The following OTC variants were observed in gnomAD, a reference collection of about 807,000 sequenced individuals.
OTC encodes ornithine transcarbamylase, mitochondrial.
Under a neutral mutation model 30.3 loss-of-function variants are expected in OTC, and 3 were observed. The observed-to-expected ratio is 0.10, with a 90% confidence interval of 0.05 to 0.26. OTC has a LOEUF of 0.26. Among genes scored for constraint, OTC ranks in the 10% least tolerant of loss-of-function variants. The probability of loss-of-function intolerance (pLI) is 1.00; values close to 1 mark genes in which losing one functional copy is unlikely to be tolerated. For synonymous variants in OTC, 111 were observed against 99.7 expected (o/e 1.11, Z -0.67); for missense variants, 194 against 260.3 (o/e 0.75, Z 1.75).
intron 4 of OTC, among the ~76,000 whole-genome samples, chrX:38,383,091 G>GTT (rs369396425): frequency 9.6e-6 from 1 of 104,003 alleles, no homozygotes; most frequent in Non-Finnish European, 2.0e-5. Flanking sequence ...TCTGCTTACA[G>GTT]TTTTTTTTTT....
upstream of OTC, among the ~76,000 whole-genome samples, chrX:38,349,562 C>T (rs928664005): frequency 8.9e-6 from 1 of 112,607 alleles, no homozygotes; most frequent in African/African-American, 3.2e-5. Flanking sequence ...TACCTTCTGC[C>T]ATGGAATGGC....
intron 4 of OTC, among the ~76,000 whole-genome samples, chrX:38,394,512 C>T: frequency 9.0e-6 from 1 of 111,457 alleles, no homozygotes; most frequent in African/African-American, 3.3e-5. Flanking sequence ...TCCACCTAAT[C>T]ATCAGTCAAG....
chrX:38,421,738 A>G (rs2068596609), downstream of OTC, among the ~76,000 whole-genome samples: 1 of 112,384 alleles, frequency 8.9e-6, no homozygotes, highest in Non-Finnish European at 1.9e-5. Flanking sequence ...TTACTGTTAC[A>G]AGCCATAAGA....
upstream of OTC, chrX:38,352,599 A>G (rs1254833897): frequency 1.6e-6 from 1 of 629,802 alleles, no homozygotes; most frequent in Non-Finnish European, 2.7e-6. Flanking sequence ...CCCTCACTGC[A>G]ACTGAACACA....
intron 1 of OTC, 79 bp from the exon 2 acceptor site, chrX:38,367,212 A>G: frequency 1.2e-6 from 1 of 856,555 alleles, no homozygotes; most frequent in Non-Finnish European, 1.7e-6. Flanking sequence ...TGCCTTATCA[A>G]CAGTAAAACA....
the OTC span, among the ~76,000 whole-genome samples, chrX:38,339,528 G>C: frequency 2.4e-5 from 2 of 82,898 alleles, no homozygotes; most frequent in Non-Finnish European, 4.7e-5. Context: ...GTACCCAATA[G>C]TTTTTTTTTT....
chrX:38,414,696 A>C (rs758458561), intron 9 of OTC, among the ~76,000 whole-genome samples: 13 of 112,116 alleles, frequency 1.2e-4, no homozygotes, highest in Non-Finnish European at 2.3e-4. Context: ...TAATCTCATC[A>C]ACAGGCTACA....
upstream of OTC, chrX:38,352,527 C>T (rs558188173): frequency 1.1e-5 from 5 of 466,645 alleles, no homozygotes; most frequent in South Asian, 1.5e-4. Context: ...TACACCCTGC[C>T]CTGCAGTATC....
At chrX:38,405,508 C>A (rs73632482) in intron 6 of OTC, among the ~76,000 whole-genome samples, 1 of 110,183 alleles carries the variant, frequency 9.1e-6, no homozygotes, top group Non-Finnish European at 1.9e-5. Flanking sequence ...TAAATTTAGG[C>A]CCACTCTAAT....
At chrX:38,359,471 G>C (rs1478976510) in intron 1 of OTC, among the ~76,000 whole-genome samples, 4 of 108,398 alleles carry the variant, frequency 3.7e-5, no homozygotes, top group Non-Finnish European at 7.7e-5. Flanking sequence ...CCAGGCTGGA[G>C]TGCAATGGCA....
chrX:38,342,990 C>T, the OTC span, among the ~76,000 whole-genome samples: 1 of 111,991 alleles, frequency 8.9e-6, no homozygotes, highest in East Asian at 2.8e-4. Context: ...AAGAGCACCT[C>T]CCAAGTAGGG....
rs148514349 is a variant in OTC, at chrX:38,401,917, A to G, written c.540+489A>G. ...TTAAAGTAGGGTTAAGAATATGCAG[A>G]ATTTATAGAATTGGGGCTCAAATTT... On this transcript the variant is annotated intron_variant, in intron 5 of 9. Coordinates refer to ENST00000039007, the MANE Select transcript of OTC (RefSeq NM_000531.6). Among the ~76,000 whole-genome samples the G allele has an allele frequency of 0.015, 1,666 of 111,811 alleles. 32 individuals are homozygous for G. The highest frequency in any genetic ancestry group is 0.051 in the African/African-American group (1,578 of 30,767).
intron 1 of OTC, among the ~76,000 whole-genome samples, chrX:38,367,045 G>A (rs1439214380): frequency 9.1e-6 from 1 of 110,407 alleles, no homozygotes; most frequent in Non-Finnish European, 1.9e-5. Flanking sequence ...AGGCTTGGTG[G>A]CATGTGCTTG....
At chrX:38,334,479 G>A in the OTC span, among the ~76,000 whole-genome samples, 4 of 111,523 alleles carry the variant, frequency 3.6e-5, no homozygotes, top group Admixed American at 2.9e-4. Context: ...AGCTTTCCTG[G>A]GTAGATATCT....
the OTC span, among the ~76,000 whole-genome samples, chrX:38,345,105 G>C: frequency 9.0e-6 from 1 of 111,203 alleles, no homozygotes; most frequent in South Asian, 3.8e-4. Context: ...GGGAGGCTGA[G>C]GTTGGAGGAT....
chrX:38,410,669 A>G (rs1413536146), intron 8 of OTC, among the ~76,000 whole-genome samples: 1 of 111,641 alleles, frequency 9.0e-6, no homozygotes, highest in African/African-American at 3.3e-5. Flanking sequence ...TATCATGTGG[A>G]ATATATTTTC....
chrX:38,394,174 A>C (rs770988414), intron 4 of OTC, among the ~76,000 whole-genome samples: 15 of 112,698 alleles, frequency 1.3e-4, no homozygotes, highest in African/African-American at 3.9e-4. Context: ...ACTTTTTGTC[A>C]ATGTATTTCA....
At chrX:38,343,429 A>G in the OTC span, among the ~76,000 whole-genome samples, 1 of 112,299 alleles carries the variant, frequency 8.9e-6, no homozygotes, top group African/African-American at 3.2e-5. Context: ...AGATAGCTCT[A>G]GGATTCTGTG....
At chrX:38,345,268 A>G in the OTC span, among the ~76,000 whole-genome samples, 3 of 112,058 alleles carry the variant, frequency 2.7e-5, no homozygotes, top group Non-Finnish European at 5.6e-5. Flanking sequence ...ATTGCTGGGC[A>G]TAGGCTGAAC....
Sources: gnomAD v4.1 joint callset for allele counts (sites outside exome capture counted in the v4.1 genomes callset) on GRCh38, gnomAD v4.1.1 for gene constraint, MANE v1.5 for transcripts, NCBI Gene and HGNC (gene_info 2026-07-23, HGNC 2026-07-21) for gene names.